LLPH: variants seen among roughly 807,000 people sequenced by gnomAD.
LLPH encodes the protein protein LLP homolog.
LLPH carries 5 observed loss-of-function variants against 13.3 expected under a neutral mutation model. The ratio of observed to expected loss-of-function variants is 0.38; its 90% CI spans 0.20 to 0.79. The LOEUF is 0.79. LLPH is among the 30% of genes least tolerant of loss of function. The pLI is 0.45. For synonymous variants in LLPH, 32 were observed against 44.2 expected (o/e 0.72, Z 1.09); for missense variants, 129 against 152.1 (o/e 0.85, Z 0.80).
In LLPH at chr12:66,123,654, A is replaced by G. The variant is rs544485368; in HGVS notation, c.*186T>C. 5 of 610,096 alleles carry G rather than the reference A, an allele frequency of 8.2e-6. No homozygotes were observed. The highest frequency in any genetic ancestry group is 5.6e-5 in the East Asian group (2 of 35,916). 37.8% of individuals were successfully genotyped at this position (610,096 alleles called of 1,614,324 possible). On this transcript the variant is annotated 3_prime_UTR_variant, in exon 3 of 3. Coordinates refer to ENST00000266604, the MANE Select transcript of LLPH (RefSeq NM_032338.4). ...GTAGAGCTTGGATGTATCAAAGAAAATATTTTATTCAAGTTCCCAAAACAA... is the reference window on the plus strand; with the variant it reads ...GTAGAGCTTGGATGTATCAAAGAAAGTATTTTATTCAAGTTCCCAAAACAA...
chr12:66,122,409 C>A lies in LLPH; in HGVS notation c.*1431G>T, dbSNP rs1277191405. The stretch of plus-strand genomic sequence containing the variant: ...TTCTAAACAGATACACAGCTCTCAG[C>A]CCTATGAGAGCAGAAATCTTATCTT... On this transcript the variant is annotated 3_prime_UTR_variant, in exon 3 of 3. Coordinates refer to ENST00000266604, the MANE Select transcript of LLPH (RefSeq NM_032338.4). 2 of 152,112 alleles carry A rather than the reference C, an allele frequency of 1.3e-5. No individual in the cohort carries two copies. The highest frequency in any genetic ancestry group is 2.4e-5 in the African/African-American group (1 of 41,408). 9.4% of individuals were successfully genotyped at this position (152,112 alleles called of 1,614,324 possible).
At chr12:66,128,236 A>G (rs2051509868) in intron 2 of LLPH, among the ~76,000 whole-genome samples, 2 of 152,228 alleles carry the variant, frequency 1.3e-5, no homozygotes, top group Admixed American at 1.3e-4. Flanking sequence ...TTCCTTGGGC[A>G]TAAGACATCA....
At chr12:66,126,302 C>T (rs1357928766) in intron 2 of LLPH, among the ~76,000 whole-genome samples, 11 of 141,866 alleles carry the variant, frequency 7.8e-5, no homozygotes, top group Admixed American at 5.1e-4. Flanking sequence ...CCAGCCTGGG[C>T]GACAGAGTGA....
Position 66,121,148 on chromosome 12 carries a change from G to A in LLPH, c.*2692C>T, listed in dbSNP as rs796699233. 17 of 152,244 alleles carry A rather than the reference G, an allele frequency of 1.1e-4. No individual in the cohort carries two copies. Among genetic ancestry groups the A allele is most frequent in the African/African-American group, 3.9e-4 (16 of 41,554 alleles). The allele number at this position is 152,244 out of a possible 1,614,324, so 9.4% of individuals were successfully genotyped here. A position where few individuals can be genotyped will look rare whatever the true frequency, so the allele number is the denominator to read the frequency against. On this transcript the variant is annotated 3_prime_UTR_variant, in exon 3 of 3. Coordinates refer to ENST00000266604, the MANE Select transcript of LLPH (RefSeq NM_032338.4). Reference sequence around the variant, plus strand: ...GAGAGGCTCTGGATGAAAGCTCAAAGCTACTATCAACAGAATCAAATTAGA... The same window carrying A: ...GAGAGGCTCTGGATGAAAGCTCAAAACTACTATCAACAGAATCAAATTAGA...
intron 2 of LLPH, among the ~76,000 whole-genome samples, chr12:66,128,496 A>G (rs1326513264): frequency 1.3e-5 from 2 of 152,156 alleles, no homozygotes; most frequent in African/African-American, 4.8e-5. Context: ...ATGAAGACCT[A>G]TGCTGCCTAG....
Position 66,118,858 on chromosome 12 carries a change from A to G in LLPH, c.*4982T>C, listed in dbSNP as rs1039946977. On this transcript the variant is annotated 3_prime_UTR_variant, in exon 3 of 3. Coordinates refer to ENST00000266604, the MANE Select transcript of LLPH (RefSeq NM_032338.4). ...GATTCGAGCATCTGTGGATTTTGGT[A>G]TCTGTGAAGATCCTGGCACCAATCC... The G allele has an allele frequency of 2.0e-5, 3 of 152,162 alleles. No homozygotes were observed. The highest frequency in any genetic ancestry group is 4.4e-5 in the Non-Finnish European group (3 of 68,044). The allele number at this position is 152,162 out of a possible 1,614,324, so 9.4% of individuals were successfully genotyped here. A position where few individuals can be genotyped will look rare whatever the true frequency, so the allele number is the denominator to read the frequency against.
At chr12:66,129,194 C>A in intron 1 of LLPH, 81 bp from the exon 2 acceptor site, 6 of 875,626 alleles carry the variant, frequency 6.9e-6, no homozygotes, top group Non-Finnish European at 1.1e-5. Flanking sequence ...AAAACCAGGC[C>A]AACAGGTATC....
Position 66,117,060 on chromosome 12 carries a change from C to T in LLPH, c.*6780G>A, listed in dbSNP as rs980259081. 3 of 152,162 alleles carry T rather than the reference C, an allele frequency of 2.0e-5. No homozygotes were observed. Among genetic ancestry groups the T allele is most frequent in the Non-Finnish European group, 2.9e-5 (2 of 68,012 alleles). The allele number at this position is 152,162 out of a possible 1,614,324, so 9.4% of individuals were successfully genotyped here. A position where few individuals can be genotyped will look rare whatever the true frequency, so the allele number is the denominator to read the frequency against. On this transcript the variant is annotated 3_prime_UTR_variant, in exon 3 of 3. Transcript: ENST00000266604. ...CAAAACAAGCATGATACATTTCAAA[C>T]ATGACAATTTATTACGAGGCATTTT...
chr12:66,124,769 ATAAC>A (rs1420708253), intron 2 of LLPH, among the ~76,000 whole-genome samples: 1 of 152,228 alleles, frequency 6.6e-6, no homozygotes, highest in African/African-American at 2.4e-5. Context: ...CAGCCACTCA[ATAAC>A]TAGGTGTTGA....
Position 66,121,044 on chromosome 12 carries a change from G to T in LLPH, c.*2796C>A, listed in dbSNP as rs182599850. The stretch of plus-strand genomic sequence containing the variant: ...TTCTGGTAATGGTGCTTTGATTTTT[G>T]ATTTTGTTAACTTTCAAGTTAAATC... On this transcript the variant is annotated 3_prime_UTR_variant, in exon 3 of 3. Transcript: ENST00000266604. The T allele has an allele frequency of 2.0e-5, 3 of 152,200 alleles. No individual in the cohort carries two copies. The highest frequency in any genetic ancestry group is 4.8e-5 in the African/African-American group (2 of 41,530). The allele number at this position is 152,200 out of a possible 1,614,324, so 9.4% of individuals were successfully genotyped here. A position where few individuals can be genotyped will look rare whatever the true frequency, so the allele number is the denominator to read the frequency against.
chr12:66,126,907 G>A (rs2051500805), intron 2 of LLPH, among the ~76,000 whole-genome samples: 1 of 151,322 alleles, frequency 6.6e-6, no homozygotes, highest in Non-Finnish European at 1.5e-5. Flanking sequence ...CTCCAGCCTG[G>A]GCAACAGTAA....
At position 66,119,722 on chromosome 12, in the gene LLPH, T is replaced by C. The variant is rs540690618; in HGVS notation, c.*4118A>G. 2 of 152,378 alleles carry C rather than the reference T, an allele frequency of 1.3e-5. No individual in the cohort carries two copies. The highest frequency in any genetic ancestry group is 4.8e-5 in the African/African-American group (2 of 41,592). The allele number at this position is 152,378 out of a possible 1,614,324, so 9.4% of individuals were successfully genotyped here. A position where few individuals can be genotyped will look rare whatever the true frequency, so the allele number is the denominator to read the frequency against. ...AGTATTTATAAATTTGGCAATGCCT[T>C]AGATTCCTCCCAATTTTATGTTGTG... On this transcript the variant is annotated 3_prime_UTR_variant, in exon 3 of 3. Coordinates refer to ENST00000266604, the MANE Select transcript of LLPH (RefSeq NM_032338.4).
Position 66,123,878 on chromosome 12 carries a change from C to G in LLPH, c.352G>C (p.Ala118Pro). The G allele has an allele frequency of 1.9e-6, 3 of 1,612,140 alleles. No homozygotes were observed. In the South Asian group the frequency reaches 3.3e-5, roughly 18 times the overall value. ...CCCTTTGCCACTTTCACTGCTTTTG[C>G]TTTGCTTTTCCCCTTTCTTTTCTCT... ...KREKRKGKSK[A>P]KAVKVAKGLA... Residue 118 changes from alanine to proline, a missense_variant, in exon 3 of 3, where the codon GCA (alanine) becomes CCA (proline). By Grantham distance (27) the Ala-to-Pro change is conservative. Coordinates refer to ENST00000266604, the MANE Select transcript of LLPH (RefSeq NM_032338.4).
intron 2 of LLPH, among the ~76,000 whole-genome samples, chr12:66,125,827 A>C (rs1304585541): frequency 6.7e-6 from 1 of 149,834 alleles, no homozygotes; most frequent in African/African-American, 2.4e-5. Context: ...AAAGCTTCTA[A>C]TATGAAAGAA....
intron 1 of LLPH, among the ~76,000 whole-genome samples, chr12:66,129,675 G>C (rs1451239482): frequency 6.6e-6 from 1 of 152,086 alleles, no homozygotes; most frequent in African/African-American, 2.4e-5. Context: ...TTGAGCCACC[G>C]CGCCCGGCTG....
chr12:66,124,138 AG>A lies in LLPH; in HGVS notation c.212-121del, dbSNP rs540995393. On this transcript the variant is annotated intron_variant, in intron 2 of 2. Coordinates refer to ENST00000266604, the MANE Select transcript of LLPH (RefSeq NM_032338.4). ...ACTGAAGGTAGACCGAAAATAGAGA[AG>A]AAAAAAACTTTATAAAGAATGTTGG... The A allele has an allele frequency of 6.8e-5, 42 of 619,078 alleles. No individual in the cohort carries two copies. The East Asian group carries it at 1.2e-3, about 17-fold the overall frequency. 38.3% of individuals were successfully genotyped at this position (619,078 alleles called of 1,614,324 possible).
rs867486433 is a variant in LLPH at position 66,119,132 on chromosome 12, G to A, written c.*4708C>T. On this transcript the variant is annotated 3_prime_UTR_variant, in exon 3 of 3. Coordinates refer to ENST00000266604, the MANE Select transcript of LLPH (RefSeq NM_032338.4). ...CACTACTTAGCAGTTGCATGACTTT[G>A]GGTAAATTTAGTTAACCTTTCAAAC... The A allele has an allele frequency of 2.0e-5, 3 of 152,214 alleles. No homozygotes were observed. Among genetic ancestry groups the A allele is most frequent in the Middle Eastern group, 6.8e-3 (2 of 294 alleles). The allele number at this position is 152,214 out of a possible 1,614,324, so 9.4% of individuals were successfully genotyped here. A position where few individuals can be genotyped will look rare whatever the true frequency, so the allele number is the denominator to read the frequency against.
intron 1 of LLPH, among the ~76,000 whole-genome samples, chr12:66,129,827 C>T (rs2051523230): frequency 6.6e-6 from 1 of 152,190 alleles, no homozygotes. Flanking sequence ...CTCAAGCCAA[C>T]TTAACGACTG....
chr12:66,125,731 C>A (rs1000171863), intron 2 of LLPH, among the ~76,000 whole-genome samples: 4 of 152,196 alleles, frequency 2.6e-5, no homozygotes, highest in African/African-American at 9.7e-5. Context: ...CTCTCCCACA[C>A]CTTGTCTCCC....
Sources: gnomAD v4.1 joint callset for allele counts (sites outside exome capture counted in the v4.1 genomes callset) on GRCh38, gnomAD v4.1.1 for gene constraint, MANE v1.5 for transcripts, NCBI Gene and HGNC (gene_info 2026-07-23, HGNC 2026-07-21) for gene names.